The following LPCAT2 variants were observed in gnomAD, a reference collection of about 807,000 sequenced individuals.
The protein encoded by LPCAT2 is 1-AGP acyltransferase 11.
A neutral mutation model predicts 64.7 loss-of-function variants in LPCAT2; 58 were observed. The ratio of observed to expected loss-of-function variants is 0.90; its 90% CI spans 0.73 to 1.12. The LOEUF is 1.12. Among genes scored for constraint, LPCAT2 ranks in the 50% most tolerant of loss-of-function variants. The pLI, the probability that LPCAT2 is intolerant of heterozygous loss-of-function variation, is 0.00. For synonymous variants in LPCAT2, 252 were observed against 245.3 expected (o/e 1.03, Z -0.26); for missense variants, 579 against 669.8 (o/e 0.86, Z 1.50).
At chr16:55,556,116 A>C (rs1963571620) in intron 11 of LPCAT2, among the ~76,000 whole-genome samples, 1 of 152,158 alleles carries the variant, frequency 6.6e-6, no homozygotes, top group Non-Finnish European at 1.5e-5. Flanking sequence ...CACCAGCCAC[A>C]AGTAGATGAT....
At chr16:55,570,117 A>AT (rs1488052749) in intron 11 of LPCAT2, among the ~76,000 whole-genome samples, 2 of 152,208 alleles carry the variant, frequency 1.3e-5, no homozygotes, top group Non-Finnish European at 2.9e-5. Flanking sequence ...ATCCCATGTG[A>AT]TTTTGAAAAG....
chr16:55,582,574 A>T (rs1359124247), intron 13 of LPCAT2, among the ~76,000 whole-genome samples: 1 of 152,078 alleles, frequency 6.6e-6, no homozygotes, highest in African/African-American at 2.4e-5. Context: ...TCTACTGTTG[A>T]TGGACATCCA....
chr16:55,510,049 T>A (rs900151637), intron 1 of LPCAT2, among the ~76,000 whole-genome samples: 1 of 129,680 alleles, frequency 7.7e-6, no homozygotes, highest in Non-Finnish European at 1.6e-5. Flanking sequence ...TGGATAAGAG[T>A]GAGGCAGAAG....
At chr16:55,565,447 A>C (rs1963683916) in intron 11 of LPCAT2, among the ~76,000 whole-genome samples, 1 of 152,138 alleles carries the variant, frequency 6.6e-6, no homozygotes, top group South Asian at 2.1e-4. Flanking sequence ...CCAAAAGGGC[A>C]ACCCAAGTAT....
At chr16:55,536,420 C>T (rs891283661) in intron 7 of LPCAT2, among the ~76,000 whole-genome samples, 1 of 152,150 alleles carries the variant, frequency 6.6e-6, no homozygotes, top group Non-Finnish European at 1.5e-5. Flanking sequence ...TCCACAGCTC[C>T]ATTTAAATAA....
Position 55,535,451 on chromosome 16 carries a change from C to T in LPCAT2, c.797+974C>T, listed in dbSNP as rs73549571. On this transcript the variant is annotated intron_variant, in intron 7 of 13. Transcript: ENST00000262134. ...TGAGACAGTAGAATAAATATTAACA[C>T]ATATGAAACACTTATATTCTTGTTA... Among the ~76,000 whole-genome samples the T allele has an allele frequency of 9.7e-3, 1,469 of 152,192 alleles. 26 individuals carry two copies. The highest frequency in any genetic ancestry group is 0.034 in the African/African-American group (1,398 of 41,524).
intron 1 of LPCAT2, among the ~76,000 whole-genome samples, chr16:55,523,164 A>T (rs1963121918): frequency 6.6e-6 from 1 of 151,768 alleles, no homozygotes. Context: ...CTAATATTAG[A>T]AGTTAAAGGA....
chr16:55,583,641 G>C lies in LPCAT2; in HGVS notation c.*543G>C, dbSNP rs1488634209. On this transcript the variant is annotated 3_prime_UTR_variant, in exon 14 of 14. Transcript: ENST00000262134. ...TCACTAATTAGACGCAGCTTCTTAA[G>C]AACTTATATTCTCTTTGACATACAT... 3.3e-5 allele frequency: 5 copies of C among 152,626 alleles called. No homozygotes were observed. The highest frequency in any genetic ancestry group is 1.2e-4 in the African/African-American group (5 of 41,422). The allele number at this position is 152,626 out of a possible 1,614,324, so 9.5% of individuals were successfully genotyped here.
At chr16:55,556,080 G>C (rs1465735622) in intron 11 of LPCAT2, among the ~76,000 whole-genome samples, 3 of 152,174 alleles carry the variant, frequency 2.0e-5, no homozygotes, top group Non-Finnish European at 4.4e-5. Flanking sequence ...TTCCCAAAGT[G>C]CTGGGATTAC....
intron 11 of LPCAT2, chr16:55,566,939 T>A (rs367628397): frequency 1.9e-5 from 30 of 1,613,688 alleles, no homozygotes; most frequent in Non-Finnish European, 2.5e-5. Context: ...CAGAACCGCC[T>A]CCCACTCAGC....
At chr16:55,525,124 A>G (rs1963150951) in intron 1 of LPCAT2, among the ~76,000 whole-genome samples, 1 of 152,034 alleles carries the variant, frequency 6.6e-6, no homozygotes, top group Non-Finnish European at 1.5e-5. Context: ...TCAAAAAGCA[A>G]TTTCCCCTTC....
At chr16:55,539,700 T>G (rs532538504) in intron 8 of LPCAT2, 1 of 152,296 alleles carries the variant, frequency 6.6e-6, no homozygotes, top group South Asian at 2.1e-4. Flanking sequence ...GCTTTTCCAC[T>G]ACGTCTGCTG....
intron 11 of LPCAT2, among the ~76,000 whole-genome samples, chr16:55,572,057 C>T (rs1963776117): frequency 6.6e-6 from 1 of 152,118 alleles, no homozygotes; most frequent in Non-Finnish European, 1.5e-5. Flanking sequence ...CTTCATATTA[C>T]TAGGATGAAA....
rs767556291 is a variant in LPCAT2, at chr16:55,550,929, A to G, written c.1062-20A>G. On this transcript the variant is annotated intron_variant, in intron 10 of 13. Transcript: ENST00000262134. ...TGTAAAGGGCTAATAACATGTATCT[A>G]TAATTCTTTGTTTGTTTAGATTAGA... The G allele has an allele frequency of 9.6e-6, 15 of 1,555,298 alleles. No individual in the cohort carries two copies. Among genetic ancestry groups the G allele is most frequent in the South Asian group, 8.4e-5 (7 of 83,120 alleles).
intron 8 of LPCAT2, chr16:55,540,698 G>A: frequency 6.0e-6 from 1 of 166,016 alleles, no homozygotes; most frequent in Non-Finnish European, 1.3e-5. Context: ...AAAATTGTCT[G>A]TAGTGGGCAT....
intron 12 of LPCAT2, among the ~76,000 whole-genome samples, chr16:55,577,481 G>T (rs955227063): frequency 6.6e-6 from 1 of 152,022 alleles, no homozygotes; most frequent in Non-Finnish European, 1.5e-5. Context: ...TAACTTCCTT[G>T]TGCCTCAGCT....
chr16:55,558,757 G>A (rs1252657335), intron 11 of LPCAT2, among the ~76,000 whole-genome samples: 2 of 152,182 alleles, frequency 1.3e-5, no homozygotes, highest in Non-Finnish European at 2.9e-5. Context: ...GCATGACTAT[G>A]TCCCAATAAA....
intron 8 of LPCAT2, chr16:55,540,348 A>G (rs536284898): frequency 1.3e-5 from 2 of 152,200 alleles, no homozygotes; most frequent in Admixed American, 6.6e-5. Context: ...CTAATGTGGC[A>G]TAATGGGTGT....
intron 13 of LPCAT2, among the ~76,000 whole-genome samples, chr16:55,579,671 CAAAACTG>C (rs1300366282): frequency 6.6e-6 from 1 of 152,076 alleles, no homozygotes; most frequent in Non-Finnish European, 1.5e-5. Flanking sequence ...TGTGGCCAGG[CAAAACTG>C]AACAAGTAAA....
Sources: gnomAD v4.1 joint callset for allele counts (sites outside exome capture counted in the v4.1 genomes callset) on GRCh38, gnomAD v4.1.1 for gene constraint, MANE v1.5 for transcripts, NCBI Gene and HGNC (gene_info 2026-07-23, HGNC 2026-07-21) for gene names.